The following PLEKHA7 variants were observed in gnomAD, a reference collection of about 807,000 sequenced individuals.
PLEKHA7 encodes the protein pleckstrin homology domain-containing family A member 7.
PLEKHA7 carries 104 observed loss-of-function variants against 170.0 expected under a neutral mutation model. The observed-to-expected ratio is 0.61, with a 90% CI of 0.52 to 0.72. PLEKHA7 has a LOEUF of 0.72. PLEKHA7 is among the 30% of genes least tolerant of loss of function. The pLI, the probability that PLEKHA7 is intolerant of heterozygous loss-of-function variation, is 0.00. For missense variants in PLEKHA7, 1,615 were observed against 1,671.7 expected (o/e 0.97, Z 0.59); for synonymous variants, 648 against 660.8 (o/e 0.98, Z 0.30).
Position 16,789,929 on chromosome 11 carries a change from C to T in PLEKHA7, c.3053-51G>A, listed in dbSNP as rs1847720547. On this transcript the variant is annotated intron_variant, in intron 21 of 26. Coordinates refer to ENST00000531066, the MANE Select transcript of PLEKHA7 (RefSeq NM_001329630.2). The surrounding 1 kb of genome is among the most constrained non-coding windows in gnomAD (Gnocchi z 4.6). ...CATGTTTGTGCTGGGGTGGATGGGT[C>T]CCTGCTTCTCCCTCATCACACATTC... 3 of 1,448,268 alleles carry T rather than the reference C, an allele frequency of 2.1e-6. No individual in the cohort carries two copies. In the South Asian group the frequency reaches 3.5e-5, roughly 17 times the overall value. 89.7% of individuals were successfully genotyped at this position (1,448,268 alleles called of 1,614,324 possible). A position where few individuals can be genotyped will look rare whatever the true frequency, so the allele number is the denominator to read the frequency against.
intron 3 of PLEKHA7, among the ~76,000 whole-genome samples, chr11:16,952,143 G>A (rs928466421): frequency 6.6e-6 from 1 of 152,164 alleles, no homozygotes; most frequent in Non-Finnish European, 1.5e-5. Context: ...TTTTAGCTGG[G>A]CACCTTATAA....
At chr11:16,802,913 GA>G in intron 15 of PLEKHA7, 58 bp downstream of exon 15, 1 of 1,389,170 alleles carries the variant, frequency 7.2e-7, no homozygotes, top group Non-Finnish European at 1.0e-6. Flanking sequence ...TATGTCTCAA[GA>G]AAGACAGGAC....
intron 3 of PLEKHA7, among the ~76,000 whole-genome samples, chr11:16,971,145 C>T (rs1446944025): frequency 6.6e-6 from 1 of 152,194 alleles, no homozygotes; most frequent in African/African-American, 2.4e-5. Context: ...GCACTTCAGT[C>T]TTAATTCAAA....
chr11:16,996,443 T>C (rs1406764693), intron 3 of PLEKHA7, among the ~76,000 whole-genome samples: 1 of 152,028 alleles, frequency 6.6e-6, no homozygotes, highest in Non-Finnish European at 1.5e-5. Context: ...GACTTCTCAG[T>C]GGAAAAGACC....
chr11:16,802,275 C>G (rs1321825887), intron 15 of PLEKHA7, among the ~76,000 whole-genome samples: 1 of 152,234 alleles, frequency 6.6e-6, no homozygotes, highest in Non-Finnish European at 1.5e-5. Flanking sequence ...GCACTCCCAT[C>G]CAGACTTGCT....
chr11:16,987,102 T>G (rs1222941517), intron 3 of PLEKHA7, among the ~76,000 whole-genome samples: 2 of 152,226 alleles, frequency 1.3e-5, no homozygotes, highest in African/African-American at 4.8e-5. Context: ...GCCTCCTGTG[T>G]ATTCCATAAT....
intron 3 of PLEKHA7, among the ~76,000 whole-genome samples, chr11:16,874,242 C>T (rs760172035): frequency 2.0e-5 from 3 of 152,168 alleles, no homozygotes; most frequent in Non-Finnish European, 4.4e-5. Flanking sequence ...TGCAGTGGCT[C>T]ACACCTGTAA....
chr11:16,996,678 T>G (rs979032970), intron 3 of PLEKHA7, among the ~76,000 whole-genome samples: 4 of 150,308 alleles, frequency 2.7e-5, no homozygotes, highest in African/African-American at 7.3e-5. Context: ...GGCTCATGCC[T>G]GTAATCCCAG....
At chr11:16,905,214 T>TGCA (rs1857578188) in intron 3 of PLEKHA7, among the ~76,000 whole-genome samples, 1 of 152,172 alleles carries the variant, frequency 6.6e-6, no homozygotes, top group Non-Finnish European at 1.5e-5. Flanking sequence ...GTCATGCCAC[T>TGCA]GCACTCCAAC....
chr11:16,783,424 C>T (rs1438048974), intron 25 of PLEKHA7, among the ~76,000 whole-genome samples: 1 of 152,254 alleles, frequency 6.6e-6, no homozygotes, highest in Non-Finnish European at 1.5e-5. Context: ...CTCCATTCTC[C>T]ACACTTGCTA....
intron 9 of PLEKHA7, among the ~76,000 whole-genome samples, chr11:16,835,235 C>A (rs904748664): frequency 6.6e-6 from 1 of 152,192 alleles, no homozygotes; most frequent in Non-Finnish European, 1.5e-5. Flanking sequence ...CATGCCACCG[C>A]ACTCCAGCCT....
At chr11:16,921,802 C>T (rs948048330) in intron 3 of PLEKHA7, among the ~76,000 whole-genome samples, 4 of 152,158 alleles carry the variant, frequency 2.6e-5, no homozygotes, top group Admixed American at 2.0e-4. Flanking sequence ...CATACGTTGT[C>T]CTGTTTGAGC....
At position 16,855,886 on chromosome 11, in the gene PLEKHA7, T is replaced by C. The variant is rs755196054; in HGVS notation, c.334A>G (p.Arg112Gly). The change falls in exon 5 of 27, where the codon AGA becomes GGA. Residue 112 changes from arginine to glycine, a missense_variant. Coordinates refer to ENST00000531066, the MANE Select transcript of PLEKHA7 (RefSeq NM_001329630.2). ...EPNPHMSKQD[R>G]NQRPSSMVSE... is the part of the protein sequence containing the mutation. ...ACCATGCTGGACGGTCTTTGGTTTC[T>C]GTCTTGCTTCGACATATGTGGATTC... is the stretch of plus-strand genomic sequence containing the variant. 8.7e-6 allele frequency: 14 copies of C among 1,614,214 alleles called. No homozygotes were observed. Among genetic ancestry groups the C allele is most frequent in the Non-Finnish European group, 1.2e-5 (14 of 1,180,016 alleles).
chr11:16,789,629 T>A lies in PLEKHA7; in HGVS notation c.3156+146A>T. On this transcript the variant is annotated intron_variant, in intron 22 of 26. Transcript: ENST00000531066. This position sits in a 1 kb window ranked among gnomAD's most constrained non-coding sequence, Gnocchi z 4.6. ...GCAGGATGCCCTCCTTGGTGGACAG[T>A]GGGTGACAGGGAGCTCAGGAGGGGC... The A allele has an allele frequency of 1.5e-6, 1 of 683,812 alleles. No homozygotes were observed. The highest frequency in any genetic ancestry group is 1.9e-5 in the South Asian group (1 of 52,478). 42.4% of individuals were successfully genotyped at this position (683,812 alleles called of 1,614,324 possible). A position where few individuals can be genotyped will look rare whatever the true frequency, so the allele number is the denominator to read the frequency against.
chr11:16,904,390 G>T (rs1056201492), intron 3 of PLEKHA7, among the ~76,000 whole-genome samples: 1 of 152,102 alleles, frequency 6.6e-6, no homozygotes, highest in African/African-American at 2.4e-5. Context: ...ATGAAGTAAT[G>T]GTTGAGCAAA....
chr11:16,778,866 G>A lies in PLEKHA7; in HGVS notation c.*132C>T, dbSNP rs1419314271. On this transcript the variant is annotated 3_prime_UTR_variant, in exon 27 of 27. Coordinates refer to ENST00000531066, the MANE Select transcript of PLEKHA7 (RefSeq NM_001329630.2). ...TGGCCTGTGGTGAACACCCGCAGTC[G>A]GTAAGCTGCTCCTTCCTCCGGCCGG... The A allele has an allele frequency of 3.2e-5, 22 of 687,828 alleles. No individual in the cohort carries two copies. Among genetic ancestry groups the A allele is most frequent in the South Asian group, 1.4e-4 (9 of 65,180 alleles). The allele number at this position is 687,828 out of a possible 1,614,324, so 42.6% of individuals were successfully genotyped here.
intron 3 of PLEKHA7, among the ~76,000 whole-genome samples, chr11:16,933,357 C>G (rs1209701028): frequency 6.6e-6 from 1 of 152,238 alleles, no homozygotes; most frequent in Non-Finnish European, 1.5e-5. Flanking sequence ...TGGGGAAAAG[C>G]AGGGAGATGA....
chr11:16,782,625 A>C, intron 26 of PLEKHA7, 129 bp downstream of exon 26: 1 of 1,210,312 alleles, frequency 8.3e-7, no homozygotes, highest in East Asian at 2.6e-5. Context: ...AGGGGAACAC[A>C]CCACTGACCC....
rs1285341326 is a variant in PLEKHA7 at position 17,013,874 on chromosome 11, C to T, written c.221+115G>A. ...CGTTGAGTGTGGCCGCGGCGCAGCG[C>T]GCGCCAACGAGCCCGGGCCGGCGGG... On this transcript the variant is annotated intron_variant, in intron 3 of 26. Coordinates refer to ENST00000531066, the MANE Select transcript of PLEKHA7 (RefSeq NM_001329630.2). 5 of 1,195,310 alleles carry T rather than the reference C, an allele frequency of 4.2e-6. No homozygotes were observed. The East Asian group carries it at 1.3e-4, about 30-fold the overall frequency. 74.0% of individuals were successfully genotyped at this position (1,195,310 alleles called of 1,614,324 possible). A position where few individuals can be genotyped will look rare whatever the true frequency, so the allele number is the denominator to read the frequency against.
Sources: gnomAD v4.1 joint callset for allele counts (sites outside exome capture counted in the v4.1 genomes callset) on GRCh38, gnomAD v4.1.1 for gene constraint, Gnocchi (gnomAD v3.1) non-coding constraint, MANE v1.5 for transcripts, NCBI Gene and HGNC (gene_info 2026-07-23, HGNC 2026-07-21) for gene names.